The following GSE1 variants were observed in gnomAD, a reference collection of about 807,000 sequenced individuals.
GSE1 encodes the protein Gse1 coiled-coil protein.
GSE1 carries 32 observed loss-of-function variants against 112.6 expected under a neutral mutation model. That is an observed-to-expected ratio of 0.28 (90% CI 0.21 to 0.38). The LOEUF is 0.38. GSE1 is among the 10% of genes least tolerant of loss of function. GSE1 has a pLI of 1.00. For missense variants in GSE1, 2,348 were observed against 1,699.2 expected (o/e 1.38, Z -6.71); for synonymous variants, 1,115 against 735.6 (o/e 1.52, Z -8.35).
intron 2 of GSE1, among the ~76,000 whole-genome samples, chr16:85,404,097 C>CA (rs2048186934): frequency 6.7e-6 from 1 of 150,236 alleles, no homozygotes; most frequent in Admixed American, 6.6e-5. Flanking sequence ...GACACAGGGC[C>CA]CCCCCGGATA....
intron 1 of GSE1, among the ~76,000 whole-genome samples, chr16:85,569,365 G>C (rs546438778): frequency 1.3e-5 from 2 of 152,216 alleles, no homozygotes; most frequent in Non-Finnish European, 2.9e-5. Context: ...CCCTGGGCCT[G>C]GGGGCCAAGT....
intron 2 of GSE1, among the ~76,000 whole-genome samples, chr16:85,517,507 C>G (rs545367080): frequency 1.4e-4 from 21 of 152,190 alleles, no homozygotes; most frequent in Non-Finnish European, 3.1e-4. Flanking sequence ...CAGAAGCTTC[C>G]ACCTGCTCTC....
chr16:85,180,252 C>T (rs2074554727), intron 1 of GSE1, among the ~76,000 whole-genome samples: 1 of 152,252 alleles, frequency 6.6e-6, no homozygotes, highest in Non-Finnish European at 1.5e-5. Context: ...GGTATTCTGC[C>T]CTGCCAAGCC....
intron 2 of GSE1, among the ~76,000 whole-genome samples, chr16:85,442,567 A>T (rs1316599840): frequency 1.3e-5 from 2 of 152,196 alleles, no homozygotes; most frequent in Non-Finnish European, 2.9e-5. Flanking sequence ...AGCATCTAGG[A>T]TCTGGCCAAG....
intron 1 of GSE1, among the ~76,000 whole-genome samples, chr16:85,271,955 G>A (rs773936811): frequency 6.6e-6 from 1 of 152,236 alleles, no homozygotes; most frequent in African/African-American, 2.4e-5. Context: ...CCAGGCCAGC[G>A]TCTGCAGGAC....
Position 85,183,061 on chromosome 16 carries a change from T to G in GSE1, c.2283+11254T>G, listed in dbSNP as rs552030874. Among the ~76,000 whole-genome samples the G allele has an allele frequency of 2.2e-4, 33 of 152,236 alleles. No individual in the cohort carries two copies. In the East Asian group the frequency reaches 6.0e-3, roughly 28 times the overall value. On this transcript the variant is annotated intron_variant, in intron 1 of 2. Coordinates refer to the GSE1 transcript ENST00000637419. ...ATCACTCCCGTGCACACTCATACAC[T>G]GTCTCACACCTGTGCCCACACACTC...
chr16:85,275,930 G>A (rs1394858720), intron 1 of GSE1, among the ~76,000 whole-genome samples: 2 of 152,246 alleles, frequency 1.3e-5, no homozygotes, highest in East Asian at 3.9e-4. Flanking sequence ...AATGCCTCAT[G>A]CTGCAGAGCT....
chr16:85,452,977 G>A (rs1479225617), intron 2 of GSE1, among the ~76,000 whole-genome samples: 3 of 152,202 alleles, frequency 2.0e-5, no homozygotes, highest in African/African-American at 7.2e-5. Context: ...TTCTCTGGCT[G>A]TGTGGTTTGG....
rs571500103 is a variant in GSE1 at position 85,238,257 on chromosome 16, CCAGA to C, written c.2283+66455_2283+66458del. Among the ~76,000 whole-genome samples the C allele has an allele frequency of 5.0e-3, 756 of 152,306 alleles. 3 individuals carry two copies. The highest frequency in any genetic ancestry group is 0.016 in the African/African-American group (684 of 41,560). On this transcript the variant is annotated intron_variant, in intron 1 of 2. Coordinates refer to the GSE1 transcript ENST00000637419. The stretch of plus-strand genomic sequence containing the variant: ...GGTGTGCCAGCCTGCCCTCACATCC[CCAGA>C]CAGAGTCCCCCTCCAGCATCTGCTG...
intron 1 of GSE1, among the ~76,000 whole-genome samples, chr16:85,336,747 G>A (rs973597724): frequency 5.3e-5 from 8 of 152,154 alleles, no homozygotes; most frequent in East Asian, 1.9e-4. Flanking sequence ...GATTACAGGC[G>A]CCTGCCACCA....
chr16:85,464,972 G>A (rs544538520), intron 2 of GSE1, among the ~76,000 whole-genome samples: 7 of 152,296 alleles, frequency 4.6e-5, no homozygotes, highest in Non-Finnish European at 8.8e-5. Flanking sequence ...GTGCCCTCTC[G>A]TTTTTGCAGG....
chr16:85,631,789 A>G (rs565306094), intron 1 of GSE1, among the ~76,000 whole-genome samples: 5 of 152,360 alleles, frequency 3.3e-5, no homozygotes, highest in South Asian at 2.1e-4. Flanking sequence ...CTGACAGGCA[A>G]AGTAACTTGC....
At chr16:85,348,035 G>A (rs1046061745) in intron 1 of GSE1, among the ~76,000 whole-genome samples, 6 of 152,190 alleles carry the variant, frequency 3.9e-5, no homozygotes, top group African/African-American at 7.2e-5. Flanking sequence ...GACTTCTTGC[G>A]CTAAGTTGGA....
chr16:85,194,867 G>A (rs747726367), intron 1 of GSE1, among the ~76,000 whole-genome samples: 34 of 152,166 alleles, frequency 2.2e-4, no homozygotes, highest in Non-Finnish European at 3.8e-4. Flanking sequence ...CTAGGTCTGT[G>A]TATTTTTTTT....
intron 2 of GSE1, among the ~76,000 whole-genome samples, chr16:85,643,447 C>A (rs1394460818): frequency 6.6e-6 from 1 of 152,200 alleles, no homozygotes; most frequent in Non-Finnish European, 1.5e-5. Flanking sequence ...GCCTGCCCTG[C>A]CCCAGAGAAG....
Position 85,253,080 on chromosome 16 carries a change from C to G in GSE1, c.2283+81273C>G, listed in dbSNP as rs1024293519. Among the ~76,000 whole-genome samples, 40 of 121,798 alleles carry G rather than the reference C, an allele frequency of 3.3e-4. 1 individual carries two copies. Among genetic ancestry groups the G allele is most frequent in the East Asian group, 5.8e-4 (2 of 3,460 alleles). The allele number at this position is 121,798 out of a possible 152,430, so 79.9% of individuals were successfully genotyped here. On this transcript the variant is annotated intron_variant, in intron 1 of 2. Coordinates refer to the GSE1 transcript ENST00000637419. ...CCCGCCCCCCCCCCACCCCCCCCCCCCCACCAGCAGGCTGCTTGCAGGCCC... is the reference window on the plus strand; with the variant it reads ...CCCGCCCCCCCCCCACCCCCCCCCCGCCACCAGCAGGCTGCTTGCAGGCCC...
intron 2 of GSE1, among the ~76,000 whole-genome samples, chr16:85,525,446 T>C (rs2052336097): frequency 6.6e-6 from 1 of 152,180 alleles, no homozygotes; most frequent in Admixed American, 6.5e-5. Context: ...AGGAGCGAGG[T>C]GGCCAGGCTG....
chr16:85,326,037 A>AC (rs1390085648), intron 1 of GSE1, among the ~76,000 whole-genome samples: 3 of 152,058 alleles, frequency 2.0e-5, no homozygotes, highest in Non-Finnish European at 4.4e-5. Flanking sequence ...GTGAGCCACC[A>AC]CCCCCAGCTC....
intron 2 of GSE1, among the ~76,000 whole-genome samples, chr16:85,637,595 G>T (rs548490342): frequency 6.6e-6 from 1 of 152,108 alleles, no homozygotes; most frequent in Non-Finnish European, 1.5e-5. Flanking sequence ...CGGGCTCGCT[G>T]TGCTTCTCAC....
Sources: gnomAD v4.1 joint callset for allele counts (sites outside exome capture counted in the v4.1 genomes callset) on GRCh38, gnomAD v4.1.1 for gene constraint, MANE v1.5 for transcripts, NCBI Gene and HGNC (gene_info 2026-07-23, HGNC 2026-07-21) for gene names.